VCL: variants seen among roughly 807,000 people sequenced by gnomAD.
VCL encodes the protein vinculin, also known as epididymis luminal protein 114.
In VCL, 47 loss-of-function variants were observed where a neutral mutation model predicts 125.7. That is an observed-to-expected ratio of 0.37 (90% CI 0.30 to 0.48). VCL has a LOEUF of 0.48. Ranked by LOEUF, VCL falls within the 20% of genes least tolerant of loss-of-function variation. VCL has a pLI of 0.99. For synonymous variants in VCL, 458 were observed against 514.6 expected (o/e 0.89, Z 1.49); for missense variants, 1,069 against 1,455.5 (o/e 0.73, Z 4.32).
chr10:74,071,043 T>C lies in VCL; in HGVS notation c.459T>C (p.Thr153=). 1 of 1,614,186 alleles carries C rather than the reference T, an allele frequency of 6.2e-7. No homozygotes were observed. The highest frequency in any genetic ancestry group is 8.5e-7 in the Non-Finnish European group (1 of 1,180,018). The change falls in exon 4 of 22, where the codon ACT becomes ACC. Residue 153 remains threonine (T), a synonymous_variant. Coordinates refer to ENST00000211998, the MANE Select transcript of VCL (RefSeq NM_014000.3). This position sits in a 1 kb window ranked among gnomAD's most constrained non-coding sequence, Gnocchi z 4.1. ...EYLTVAEVVE[T]MEDLVTYTKN... is the part of the protein sequence containing the mutation. The stretch of plus-strand genomic sequence containing the variant: ...TTACAGTGGCAGAGGTGGTGGAGAC[T>C]ATGGAAGATTTGGTCACTTACACAA...
At chr10:74,024,378 A>T (rs1840731575) in intron 1 of VCL, among the ~76,000 whole-genome samples, 1 of 152,192 alleles carries the variant, frequency 6.6e-6, no homozygotes, top group Non-Finnish European at 1.5e-5. Flanking sequence ...TGGGAGGCCA[A>T]GGTGGGAGGA....
chr10:74,118,418 T>G lies in VCL; in HGVS notation c.*249T>G. 1 of 512,994 alleles carries G rather than the reference T, an allele frequency of 1.9e-6. No homozygotes were observed. 31.8% of individuals were successfully genotyped at this position (512,994 alleles called of 1,614,324 possible). The stretch of plus-strand genomic sequence containing the variant: ...TACACTTGTGCACCCTCTATCCCAA[T>G]AGGCAGACTGGGTTTCTAGCCCATG... On this transcript the variant is annotated 3_prime_UTR_variant, in exon 22 of 22. Coordinates refer to ENST00000211998, the MANE Select transcript of VCL (RefSeq NM_014000.3).
chr10:74,003,786 C>G (rs1404622915), intron 1 of VCL, among the ~76,000 whole-genome samples: 1 of 152,174 alleles, frequency 6.6e-6, no homozygotes, highest in African/African-American at 2.4e-5. Flanking sequence ...GTGGTGTGAT[C>G]ATAGCTCACT....
chr10:74,105,478 T>A lies in VCL; in HGVS notation c.2434+125T>A, dbSNP rs142369590. The A allele has an allele frequency of 4.1e-4, 475 of 1,166,714 alleles. 1 individual carries two copies. In the East Asian group the frequency reaches 0.011, roughly 27 times the overall value. 72.3% of individuals were successfully genotyped at this position (1,166,714 alleles called of 1,614,324 possible). ...GGGGGCAAAAACTATAGACACTTAG[T>A]TTGAGAATGCTAGATTAATCTTTTT... is the stretch of plus-strand genomic sequence containing the variant. On this transcript the variant is annotated intron_variant, in intron 16 of 21. Transcript: ENST00000211998.
Position 74,072,198 on chromosome 10 carries a change from A to G in VCL, c.500-532A>G, listed in dbSNP as rs537971930. Among the ~76,000 whole-genome samples, 22 of 152,308 alleles carry G rather than the reference A, an allele frequency of 1.4e-4. No homozygotes were observed. In the South Asian group the frequency reaches 3.9e-3, roughly 27 times the overall value. On this transcript the variant is annotated intron_variant, in intron 4 of 21. Transcript: ENST00000211998. Reference sequence around the variant, plus strand: ...TTCAAACACTGTCATCCCTATAATTATTTTTATAATATTTCTATTTGTTTC... The same window carrying G: ...TTCAAACACTGTCATCCCTATAATTGTTTTTATAATATTTCTATTTGTTTC...
rs150120464 is a variant in VCL at position 74,095,669 on chromosome 10, C to A, written c.1557C>A (p.Ile519=). ...VDDRGVGQAA[I]RGLVAEGHRL... ...CTCTTGGTCCAGGTCAGGCTGCCATCCGGGGGCTTGTGGCCGAAGGGCATC... is the reference window on the plus strand; with the variant it reads ...CTCTTGGTCCAGGTCAGGCTGCCATACGGGGGCTTGTGGCCGAAGGGCATC... The change falls in exon 12 of 22, where the codon ATC becomes ATA. Residue 519 remains isoleucine (I), a synonymous_variant. Coordinates refer to ENST00000211998, the MANE Select transcript of VCL (RefSeq NM_014000.3). The A allele has an allele frequency of 8.2e-4, 1,316 of 1,614,016 alleles. 10 individuals carry two copies. In the African/African-American group the frequency reaches 0.016, roughly 19 times the overall value.
chr10:74,056,936 T>C (rs1265717124), intron 2 of VCL, among the ~76,000 whole-genome samples: 1 of 152,012 alleles, frequency 6.6e-6, no homozygotes, highest in Non-Finnish European at 1.5e-5. Flanking sequence ...TTTTCTAAAT[T>C]ATTATTATTT....
rs950155902 is a variant in VCL, at chr10:74,045,060, A to C, written c.239+1907A>C. On this transcript the variant is annotated intron_variant, in intron 2 of 21. Coordinates refer to ENST00000211998, the MANE Select transcript of VCL (RefSeq NM_014000.3). ...GTGGTGTGAGCCGATAGTCCCAGCC[A>C]CCCAGGAGGCTGAAGTGGGAGGATC... 2.0e-5 allele frequency among the ~76,000 whole-genome samples: 3 copies of C among 152,020 alleles called. No individual in the cohort carries two copies. The South Asian group carries it at 6.2e-4, about 32-fold the overall frequency.
intron 1 of VCL, among the ~76,000 whole-genome samples, chr10:74,023,475 T>C (rs2136235182): frequency 6.6e-6 from 1 of 152,380 alleles, no homozygotes; most frequent in Middle Eastern, 3.4e-3. Context: ...TGTATGACTG[T>C]ACTTAAAACA....
chr10:74,096,828 G>C (rs940011730), intron 12 of VCL, among the ~76,000 whole-genome samples: 1 of 152,190 alleles, frequency 6.6e-6, no homozygotes, highest in Non-Finnish European at 1.5e-5. Context: ...TACTGTGATC[G>C]TTATCAGGCC....
Position 74,074,813 on chromosome 10 carries a change from T to C in VCL, c.693T>C (p.Asn231=). ...TAGAGGAAGCTTTAAAAAATCGCAATTTTACTGTAGAAAAAATGAGTGCTG... is the reference window on the plus strand; with the variant it reads ...TAGAGGAAGCTTTAAAAAATCGCAACTTTACTGTAGAAAAAATGAGTGCTG... ...QGIEEALKNR[N]FTVEKMSAEI... is the part of the protein sequence containing the mutation. The change falls in exon 6 of 22, where the codon AAT becomes AAC. Residue 231 remains asparagine (N), a synonymous_variant. Coordinates refer to ENST00000211998, the MANE Select transcript of VCL (RefSeq NM_014000.3). The C allele has an allele frequency of 6.2e-7, 1 of 1,614,152 alleles. No individual in the cohort carries two copies.
intron 1 of VCL, among the ~76,000 whole-genome samples, chr10:74,028,161 G>A (rs1253267859): frequency 6.6e-6 from 1 of 152,006 alleles, no homozygotes; most frequent in Non-Finnish European, 1.5e-5. Flanking sequence ...CTACAGCCTC[G>A]ATCTTCTCAG....
At chr10:74,072,979 T>A (rs1054643059) in intron 5 of VCL, 127 bp downstream of exon 5, 3 of 1,394,980 alleles carry the variant, frequency 2.2e-6, no homozygotes, top group Non-Finnish European at 2.9e-6. Context: ...TCTCACTCTG[T>A]TGCCAGGCTG....
At chr10:74,057,125 C>T (rs540597860) in intron 2 of VCL, among the ~76,000 whole-genome samples, 4 of 151,918 alleles carry the variant, frequency 2.6e-5, no homozygotes, top group South Asian at 4.2e-4. Flanking sequence ...TAAAATTTTT[C>T]GTAGAGATAG....
chr10:74,053,593 C>A (rs768289053), intron 2 of VCL, among the ~76,000 whole-genome samples: 6 of 151,618 alleles, frequency 4.0e-5, no homozygotes, highest in Non-Finnish European at 7.4e-5. Flanking sequence ...ATATTTCAGT[C>A]TTTATGTTCA....
chr10:74,081,698 G>A (rs2131961), intron 6 of VCL, among the ~76,000 whole-genome samples: 26,558 of 152,064 alleles, frequency 0.17, 2,454 homozygotes, highest in East Asian at 0.22. Flanking sequence ...GCTTCTCCTG[G>A]TGTATCCTGG....
At chr10:74,103,027 C>G (rs549428624) in intron 14 of VCL, among the ~76,000 whole-genome samples, 9 of 152,236 alleles carry the variant, frequency 5.9e-5, no homozygotes, top group African/African-American at 1.9e-4. Context: ...CCACCATACC[C>G]GGCTAGTTTT....
intron 1 of VCL, among the ~76,000 whole-genome samples, chr10:74,035,982 G>A (rs1207820292): frequency 6.6e-6 from 1 of 152,160 alleles, no homozygotes; most frequent in Admixed American, 6.5e-5. Flanking sequence ...ATGTGTGTAA[G>A]TTATATTCAA....
intron 1 of VCL, among the ~76,000 whole-genome samples, chr10:74,035,882 A>T (rs531913217): frequency 2.4e-4 from 36 of 152,340 alleles, no homozygotes; most frequent in African/African-American, 7.9e-4. Flanking sequence ...TTTATTCCCT[A>T]AACAATACAG....
Sources: allele counts gnomAD v4.1 joint callset (sites outside exome capture counted in the v4.1 genomes callset), GRCh38; gene constraint gnomAD v4.1.1; non-coding constraint Gnocchi (gnomAD v3.1); transcripts MANE v1.5; gene names NCBI Gene and HGNC (gene_info 2026-07-23, HGNC 2026-07-21).